AGBL1: variants seen among roughly 807,000 people sequenced by gnomAD.
The protein encoded by AGBL1 is AGBL carboxypeptidase 1, also known as cytosolic carboxypeptidase 4.
A neutral mutation model predicts 118.9 loss-of-function variants in AGBL1; 130 were observed. That is an observed-to-expected ratio of 1.09 (90% CI 0.95 to 1.26). The LOEUF is 1.26. Ranked by LOEUF, AGBL1 falls within the 50% of genes most tolerant of loss-of-function variation. AGBL1 has a pLI of 0.00. For synonymous variants in AGBL1, 555 were observed against 478.9 expected (o/e 1.16, Z -2.08); for missense variants, 1,584 against 1,298.1 (o/e 1.22, Z -3.38).
intron 1 of AGBL1, among the ~76,000 whole-genome samples, chr15:86,123,946 A>G (rs955926042): frequency 2.6e-5 from 4 of 152,214 alleles, no homozygotes; most frequent in African/African-American, 7.2e-5. Context: ...TGACAACCAT[A>G]TGCAACATGG....
chr15:86,518,548 GTCTTC>G (rs1296576893), intron 18 of AGBL1, among the ~76,000 whole-genome samples: 5 of 152,010 alleles, frequency 3.3e-5, no homozygotes, highest in Non-Finnish European at 7.4e-5. Flanking sequence ...ATCAGAAGCT[GTCTTC>G]TCTTTTCTTA....
intron 22 of AGBL1, among the ~76,000 whole-genome samples, chr15:86,753,914 G>A (rs986287724): frequency 1.3e-5 from 2 of 152,072 alleles, no homozygotes; most frequent in African/African-American, 4.8e-5. Flanking sequence ...CTAGGCATCA[G>A]TGACTTGAGA....
At chr15:87,001,811 AC>A (rs2081441298) in intron 24 of AGBL1, among the ~76,000 whole-genome samples, 1 of 151,894 alleles carries the variant, frequency 6.6e-6, no homozygotes, top group African/African-American at 2.4e-5. Context: ...TCCTTGGCCC[AC>A]TTTTTGATGG....
At chr15:86,334,238 C>T (rs115888531) in intron 17 of AGBL1, among the ~76,000 whole-genome samples, 3 of 152,196 alleles carry the variant, frequency 2.0e-5, no homozygotes, top group Admixed American at 2.0e-4. Context: ...CAAACTATCT[C>T]TCTTCACTTT....
In AGBL1 at chr15:86,444,112, A is replaced by G. The variant is rs71399831; in HGVS notation, c.2555+46566A>G. On this transcript the variant is annotated intron_variant, in intron 18 of 22. Coordinates refer to ENST00000614907, the MANE Select transcript of AGBL1 (RefSeq NM_001386094.1). The stretch of plus-strand genomic sequence containing the variant: ...CCCCTTTCTCCACAACCTTGCCAGC[A>G]CTTGATATCTTTTGTCTTTTTGATA... Among the ~76,000 whole-genome samples the G allele has an allele frequency of 5.0e-3, 759 of 152,280 alleles. 4 individuals are homozygous for G. Among genetic ancestry groups the G allele is most frequent in the Non-Finnish European group, 7.8e-3 (528 of 68,010 alleles).
intron 24 of AGBL1, among the ~76,000 whole-genome samples, chr15:87,004,791 C>G (rs1194576393): frequency 6.6e-6 from 1 of 152,128 alleles, no homozygotes; most frequent in Non-Finnish European, 1.5e-5. Context: ...CATTGATGGT[C>G]TTTCTTTACA....
intron 21 of AGBL1, among the ~76,000 whole-genome samples, chr15:86,555,644 T>C (rs1259768177): frequency 1.3e-5 from 2 of 152,170 alleles, no homozygotes; most frequent in African/African-American, 2.4e-5. Context: ...AAAAGAAGAA[T>C]AAGAAGAGCT....
At chr15:86,351,288 A>G (rs2080622411) in intron 17 of AGBL1, among the ~76,000 whole-genome samples, 1 of 152,168 alleles carries the variant, frequency 6.6e-6, no homozygotes, top group Non-Finnish European at 1.5e-5. Flanking sequence ...CACTCCTATG[A>G]TAACAGCATT....
chr15:86,373,289 T>C (rs967348831), intron 17 of AGBL1, among the ~76,000 whole-genome samples: 1 of 152,130 alleles, frequency 6.6e-6, no homozygotes, highest in African/African-American at 2.4e-5. Flanking sequence ...TTAATTACTT[T>C]CCCCCGGAAG....
intron 23 of AGBL1, chr15:86,987,972 A>T: frequency 2.5e-6 from 4 of 1,612,308 alleles, no homozygotes; most frequent in Non-Finnish European, 3.4e-6. Flanking sequence ...CCACTCATTT[A>T]TCTGAACATT....
At chr15:86,123,191 G>T (rs890015741) in intron 1 of AGBL1, among the ~76,000 whole-genome samples, 2 of 152,076 alleles carry the variant, frequency 1.3e-5, no homozygotes, top group Non-Finnish European at 2.9e-5. Flanking sequence ...CTGCATAGAG[G>T]TTTTGTCTGC....
chr15:86,736,492 A>T (rs2077601430), intron 22 of AGBL1, among the ~76,000 whole-genome samples: 1 of 152,166 alleles, frequency 6.6e-6, no homozygotes, highest in Non-Finnish European at 1.5e-5. Flanking sequence ...GGGCTCCATG[A>T]TCAATTTTTT....
intron 1 of AGBL1, among the ~76,000 whole-genome samples, chr15:86,095,944 G>T (rs1199068734): frequency 6.6e-6 from 1 of 151,870 alleles, no homozygotes; most frequent in Non-Finnish European, 1.5e-5. Context: ...GTAGTGAAGA[G>T]ATCAGTTTTT....
At chr15:86,860,833 T>A (rs2079550100) in intron 22 of AGBL1, among the ~76,000 whole-genome samples, 1 of 152,060 alleles carries the variant, frequency 6.6e-6, no homozygotes, top group Non-Finnish European at 1.5e-5. Flanking sequence ...GAAATCTATA[T>A]TCTGCTTGCA....
intron 22 of AGBL1, among the ~76,000 whole-genome samples, chr15:86,713,144 T>G (rs1013226956): frequency 4.6e-5 from 7 of 152,142 alleles, no homozygotes; most frequent in African/African-American, 1.7e-4. Context: ...ATTTTTGCCC[T>G]TTCCCTTTCT....
intron 17 of AGBL1, among the ~76,000 whole-genome samples, chr15:86,367,627 A>G (rs2080909823): frequency 6.6e-6 from 1 of 152,116 alleles, no homozygotes; most frequent in South Asian, 2.1e-4. Flanking sequence ...AGAAGAAAAG[A>G]GATGCATGGT....
intron 21 of AGBL1, among the ~76,000 whole-genome samples, chr15:86,658,392 GT>G (rs1451184159): frequency 6.6e-6 from 1 of 152,166 alleles, no homozygotes; most frequent in East Asian, 1.9e-4. Flanking sequence ...AAATGTTAAT[GT>G]TTCTTAAGTC....
intron 5 of AGBL1, among the ~76,000 whole-genome samples, chr15:86,182,843 A>G (rs983939038): frequency 3.9e-5 from 6 of 152,166 alleles, no homozygotes; most frequent in Non-Finnish European, 7.4e-5. Flanking sequence ...GTACAATTTT[A>G]GCAGTTTACA....
chr15:86,375,436 C>G (rs1482049544), intron 17 of AGBL1, among the ~76,000 whole-genome samples: 3 of 152,090 alleles, frequency 2.0e-5, no homozygotes, highest in Admixed American at 6.5e-5. Context: ...GTCACCCCCC[C>G]ACCAGGTCCC....
Sources: gnomAD v4.1 joint callset for allele counts (sites outside exome capture counted in the v4.1 genomes callset) on GRCh38, gnomAD v4.1.1 for gene constraint, MANE v1.5 for transcripts, NCBI Gene and HGNC (gene_info 2026-07-23, HGNC 2026-07-21) for gene names.